Variants in SLC24A2 observed in about 807,000 individuals in gnomAD.
SLC24A2 encodes solute carrier family 24 member 2, also known as sodium/potassium/calcium exchanger 2.
SLC24A2 carries 36 observed loss-of-function variants against 62.0 expected under a neutral mutation model. That is an observed-to-expected ratio of 0.58 (90% CI 0.44 to 0.77). The LOEUF is 0.77. Among genes scored for constraint, SLC24A2 ranks in the 30% least tolerant of loss-of-function variants. SLC24A2 has a pLI of 0.00. For missense variants in SLC24A2, 846 were observed against 817.9 expected (o/e 1.03, Z -0.42); for synonymous variants, 358 against 294.0 (o/e 1.22, Z -2.23).
the SLC24A2 span, among the ~76,000 whole-genome samples, chr9:20,222,539 C>T: frequency 6.6e-6 from 1 of 151,840 alleles, no homozygotes; most frequent in Non-Finnish European, 1.5e-5. Context: ...CACATTGATT[C>T]AAAACTAGAC....
At chr9:19,703,208 T>C (rs1054120350) in intron 2 of SLC24A2, among the ~76,000 whole-genome samples, 1 of 152,216 alleles carries the variant, frequency 6.6e-6, no homozygotes, top group Admixed American at 6.5e-5. Context: ...CATGATGGAT[T>C]AGAATCTTAG....
the SLC24A2 span, among the ~76,000 whole-genome samples, chr9:20,168,714 G>A: frequency 1.3e-5 from 2 of 151,984 alleles, no homozygotes; most frequent in South Asian, 2.1e-4. Flanking sequence ...ACAAGTGCTG[G>A]CAAGAATGTA....
At chr9:19,854,127 T>C in the SLC24A2 span, among the ~76,000 whole-genome samples, 2 of 152,240 alleles carry the variant, frequency 1.3e-5, no homozygotes, top group African/African-American at 4.8e-5. Flanking sequence ...GTTGTATTTC[T>C]GTGGGGTCAG....
chr9:19,690,927 G>GAGAGAC (rs1820028268), intron 2 of SLC24A2, among the ~76,000 whole-genome samples: 1 of 151,984 alleles, frequency 6.6e-6, no homozygotes, highest in Non-Finnish European at 1.5e-5. Flanking sequence ...GTGAGAGAGA[G>GAGAGAC]AGAGAGAGAC....
the SLC24A2 span, among the ~76,000 whole-genome samples, chr9:19,885,248 C>T: frequency 9.9e-5 from 15 of 152,094 alleles, no homozygotes; most frequent in African/African-American, 2.9e-4. Context: ...TGCATGCTAA[C>T]GTGTTTAGGT....
chr9:19,961,853 C>G, the SLC24A2 span, among the ~76,000 whole-genome samples: 8 of 152,186 alleles, frequency 5.3e-5, no homozygotes, highest in African/African-American at 1.7e-4. Context: ...CACCTACAGT[C>G]AGGGAAGTGA....
At chr9:19,642,336 G>A (rs1310879188) in intron 2 of SLC24A2, among the ~76,000 whole-genome samples, 1 of 152,222 alleles carries the variant, frequency 6.6e-6, no homozygotes, top group African/African-American at 2.4e-5. Context: ...GGAGCAGAGT[G>A]ATCTCAGTGA....
the SLC24A2 span, among the ~76,000 whole-genome samples, chr9:19,880,317 A>G: frequency 0.11 from 16,208 of 152,226 alleles, 1,084 homozygotes; most frequent in East Asian, 0.21. Context: ...TTTTCATCAT[A>G]TAACTTTCAA....
chr9:19,634,639 T>C (rs887997812), intron 2 of SLC24A2, among the ~76,000 whole-genome samples: 1 of 152,158 alleles, frequency 6.6e-6, no homozygotes, highest in Non-Finnish European at 1.5e-5. Flanking sequence ...GCATATCTCT[T>C]TGCATTCCCC....
rs187716195 is a variant in SLC24A2 at position 19,550,677 on chromosome 9, G to A, written c.1348-409C>T. On this transcript the variant is annotated intron_variant, in intron 7 of 10. Coordinates refer to ENST00000341998, the MANE Select transcript of SLC24A2 (RefSeq NM_020344.4). ...AAGCTTTCAGGCTCCTTGGGAAGGA[G>A]AGCACTGATAAAAAATATTTCTTTT... Among the ~76,000 whole-genome samples, 299 of 148,110 alleles carry A rather than the reference G, an allele frequency of 2.0e-3. 4 individuals are homozygous for A. The highest frequency in any genetic ancestry group is 1.3e-3 in the South Asian group (6 of 4,472).
At position 19,708,310 on chromosome 9, in the gene SLC24A2, C is replaced by T. The variant is rs1312849087; in HGVS notation, c.930+77627G>A. Among the ~76,000 whole-genome samples the T allele has an allele frequency of 1.8e-4, 27 of 152,154 alleles. 1 individual carries two copies. The highest frequency in any genetic ancestry group is 4.6e-4 in the African/African-American group (19 of 41,516). On this transcript the variant is annotated intron_variant, in intron 2 of 10. Transcript: ENST00000341998. ...GCTCATGGGTAGGAAGAATCAATAT[C>T]GTGAAAATGGCCATACTGCCCAAGG...
chr9:19,719,524 T>C (rs564863817), intron 2 of SLC24A2, among the ~76,000 whole-genome samples: 18 of 150,848 alleles, frequency 1.2e-4, no homozygotes, highest in African/African-American at 4.2e-4. Context: ...GGAACTGGAC[T>C]GCTTGAGAGT....
the SLC24A2 span, among the ~76,000 whole-genome samples, chr9:20,037,652 C>A: frequency 6.6e-6 from 1 of 152,092 alleles, no homozygotes; most frequent in Non-Finnish European, 1.5e-5. Flanking sequence ...ACAAGTCAGG[C>A]GCTTATGATT....
chr9:19,855,631 G>C, the SLC24A2 span, among the ~76,000 whole-genome samples: 1 of 152,178 alleles, frequency 6.6e-6, no homozygotes, highest in African/African-American at 2.4e-5. Flanking sequence ...ATCTCTTCTG[G>C]CTTGTAGGGT....
the SLC24A2 span, among the ~76,000 whole-genome samples, chr9:20,212,295 C>T: frequency 6.6e-6 from 1 of 151,746 alleles, no homozygotes. Flanking sequence ...CCAAAAACTA[C>T]CTGCTTCCAA....
chr9:20,154,147 A>G, the SLC24A2 span, among the ~76,000 whole-genome samples: 2 of 151,910 alleles, frequency 1.3e-5, no homozygotes, highest in South Asian at 4.1e-4. Context: ...TATAAATGAG[A>G]TACAATAGCA....
chr9:19,541,344 C>G (rs1834243540), intron 8 of SLC24A2, among the ~76,000 whole-genome samples: 1 of 150,318 alleles, frequency 6.7e-6, no homozygotes, highest in Non-Finnish European at 1.5e-5. Context: ...GTTTTATCTA[C>G]TTTTGGTCTT....
At chr9:19,816,500 G>C in the SLC24A2 span, among the ~76,000 whole-genome samples, 1 of 151,994 alleles carries the variant, frequency 6.6e-6, no homozygotes, top group African/African-American at 2.4e-5. Context: ...ATTAATTTTT[G>C]GTGGTAGCTA....
chr9:20,083,907 C>T, the SLC24A2 span, among the ~76,000 whole-genome samples: 4 of 152,156 alleles, frequency 2.6e-5, no homozygotes, highest in African/African-American at 4.8e-5. Flanking sequence ...TCCTCTAGTT[C>T]GATGTCGCTG....
Sources: allele counts gnomAD v4.1 joint callset (sites outside exome capture counted in the v4.1 genomes callset), GRCh38; gene constraint gnomAD v4.1.1; transcripts MANE v1.5; gene names NCBI Gene and HGNC (gene_info 2026-07-23, HGNC 2026-07-21).